The following GRTP1 variants were observed in gnomAD, a reference collection of about 807,000 sequenced individuals.
GRTP1 encodes growth hormone regulated TBC protein 1.
In GRTP1, 56 loss-of-function variants were observed where a neutral mutation model predicts 38.1. The ratio of observed to expected loss-of-function variants is 1.47; its 90% CI spans 1.19 to 1.84. The LOEUF is 1.84. Ranked by LOEUF, GRTP1 falls within the 40% of genes most tolerant of loss-of-function variation. GRTP1 has a pLI of 0.00. For missense variants in GRTP1, 506 were observed against 453.9 expected (o/e 1.11, Z -1.04); for synonymous variants, 217 against 189.5 (o/e 1.14, Z -1.19).
chr13:113,350,766 G>T, intron 4 of GRTP1, 83 bp downstream of exon 4: 1 of 1,280,334 alleles, frequency 7.8e-7, no homozygotes, highest in Non-Finnish European at 1.1e-6. Context: ...ACAGAGACGT[G>T]AGGCCGTCAC....
At position 113,330,015 on chromosome 13, in the gene GRTP1, A is replaced by G. The variant is rs373942497; in HGVS notation, c.563-3924T>C. ...AGCCCGGGTGCGTGCATGGGAGCCCAGGTGCGTACATGGAAACCCAGGTGC... is the reference window on the plus strand; with the variant it reads ...AGCCCGGGTGCGTGCATGGGAGCCCGGGTGCGTACATGGAAACCCAGGTGC... On this transcript the variant is annotated intron_variant, in intron 5 of 7. Coordinates refer to ENST00000375431, the MANE Select transcript of GRTP1 (RefSeq NM_024719.4). 1.7e-3 allele frequency among the ~76,000 whole-genome samples: 259 copies of G among 149,070 alleles called. 5 individuals carry two copies. The South Asian group carries it at 0.018, about 10-fold the overall frequency.
intron 5 of GRTP1, among the ~76,000 whole-genome samples, chr13:113,340,175 G>A (rs893948769): frequency 4.0e-5 from 6 of 151,628 alleles, no homozygotes; most frequent in African/African-American, 9.7e-5. Context: ...AAAGTGCTAC[G>A]ATTACAGGTA....
intron 7 of GRTP1, 82 bp downstream of exon 7, chr13:113,325,579 C>A (rs1401741590): frequency 2.0e-5 from 32 of 1,606,674 alleles, no homozygotes; most frequent in Non-Finnish European, 2.6e-5. Context: ...TGTGCACCCT[C>A]CGGGTGGTCA....
chr13:113,357,358 T>C (rs138375064), intron 2 of GRTP1, among the ~76,000 whole-genome samples: 226 of 144,358 alleles, frequency 1.6e-3, no homozygotes, highest in African/African-American at 5.6e-3. Flanking sequence ...GGCAGGAGAA[T>C]AGCCTGAACC....
At chr13:113,353,490 G>T (rs1472114185) in intron 3 of GRTP1, among the ~76,000 whole-genome samples, 6 of 152,372 alleles carry the variant, frequency 3.9e-5, no homozygotes, top group East Asian at 3.9e-4. Context: ...TGAGGCGAGG[G>T]AAAGGACCCC....
At chr13:113,344,842 C>T (rs374852792) in intron 5 of GRTP1, 21 bp downstream of exon 5, 99 of 1,589,714 alleles carry the variant, frequency 6.2e-5, no homozygotes, top group Non-Finnish European at 8.0e-5. Flanking sequence ...TTCGGGCATA[C>T]CGCAGGAATT....
intron 2 of GRTP1, among the ~76,000 whole-genome samples, chr13:113,360,800 T>A (rs1197569601): frequency 1.3e-5 from 2 of 152,178 alleles, no homozygotes; most frequent in Non-Finnish European, 2.9e-5. Context: ...CTACCATAAT[T>A]ACATGGTCCA....
intron 5 of GRTP1, among the ~76,000 whole-genome samples, chr13:113,332,363 GCACACGCACACCA>G (rs1382926569): frequency 0.036 from 5,019 of 137,536 alleles, 434 homozygotes; most frequent in African/African-American, 0.13. Context: ...GTACACACGT[GCACACGCACACCA>G]CACACGCACA....
chr13:113,335,268 T>C (rs1194018137), intron 5 of GRTP1, among the ~76,000 whole-genome samples: 1 of 152,026 alleles, frequency 6.6e-6, no homozygotes, highest in African/African-American at 2.4e-5. Context: ...CAGACCTGGG[T>C]CACTGGAGGC....
At chr13:113,340,174 C>G (rs2043006786) in intron 5 of GRTP1, among the ~76,000 whole-genome samples, 1 of 151,328 alleles carries the variant, frequency 6.6e-6, no homozygotes, top group Admixed American at 6.6e-5. Flanking sequence ...CAAAGTGCTA[C>G]GATTACAGGT....
Position 113,334,506 on chromosome 13 carries a change from G to A in GRTP1, c.563-8415C>T, listed in dbSNP as rs1055905999. ...TCATCCTGCACTGAACCACTCTTGC[G>A]GATTCTCAATTTGAGATTATAAATA... On this transcript the variant is annotated intron_variant, in intron 5 of 7. Transcript: ENST00000375431. Among the ~76,000 whole-genome samples, 3 of 152,142 alleles carry A rather than the reference G, an allele frequency of 2.0e-5. No homozygotes were observed. The East Asian group carries it at 5.8e-4, about 29-fold the overall frequency.
intron 5 of GRTP1, among the ~76,000 whole-genome samples, chr13:113,332,802 C>T (rs1595479341): frequency 6.6e-6 from 1 of 152,218 alleles, no homozygotes; most frequent in Non-Finnish European, 1.5e-5. Context: ...CCTGCAGACT[C>T]GAGGAAGCCG....
intron 5 of GRTP1, among the ~76,000 whole-genome samples, chr13:113,335,606 C>T (rs554858897): frequency 2.6e-5 from 4 of 152,166 alleles, no homozygotes; most frequent in South Asian, 4.1e-4. Flanking sequence ...TAACCATTAA[C>T]GAGCCTCTCT....
At chr13:113,350,652 A>G (rs2043247136) in intron 4 of GRTP1, among the ~76,000 whole-genome samples, 197 bp downstream of exon 4, 1 of 152,066 alleles carries the variant, frequency 6.6e-6, no homozygotes, top group Non-Finnish European at 1.5e-5. Flanking sequence ...CCGCCACCTG[A>G]GGCCGGAATG....
rs200012063 is a variant in GRTP1 at position 113,344,960 on chromosome 13, C to T, written c.466-1G>A. On this transcript the variant is annotated splice_acceptor_variant, in intron 4 of 7. Coordinates refer to ENST00000375431, the MANE Select transcript of GRTP1 (RefSeq NM_024719.4). LOFTEE classifies it high-confidence loss of function. ...GATATCCTGCTATAAAATTCATTCC[C>T]TGAAATTAGAAAAATGAGAAACAAA... 19 of 1,587,630 alleles carry T rather than the reference C, an allele frequency of 1.2e-5. No individual in the cohort carries two copies.
chr13:113,332,680 G>A (rs1025701078), intron 5 of GRTP1, among the ~76,000 whole-genome samples: 3 of 152,240 alleles, frequency 2.0e-5, no homozygotes, highest in Non-Finnish European at 4.4e-5. Context: ...CAAGCTTCAG[G>A]AGCCACACTG....
chr13:113,325,572 G>C lies in GRTP1; in HGVS notation c.921+89C>G, dbSNP rs1028030048. On this transcript the variant is annotated intron_variant, in intron 7 of 7. Transcript: ENST00000375431. ...CTATGCCCACTGGTGCCCGTCCTGTGCACCCTCCGGGTGGTCAGAGCAGCC... is the reference window on the plus strand; with the variant it reads ...CTATGCCCACTGGTGCCCGTCCTGTCCACCCTCCGGGTGGTCAGAGCAGCC... 9.4e-6 allele frequency: 15 copies of C among 1,602,800 alleles called. No individual in the cohort carries two copies. In the African/African-American group the frequency reaches 1.7e-4, roughly 19 times the overall value.
At chr13:113,358,198 A>C (rs1009462825) in intron 2 of GRTP1, among the ~76,000 whole-genome samples, 3 of 152,220 alleles carry the variant, frequency 2.0e-5, no homozygotes, top group Non-Finnish European at 4.4e-5. Flanking sequence ...TAAATACATA[A>C]AAATAAAAAA....
intron 7 of GRTP1, chr13:113,324,793 A>C: frequency 1.5e-6 from 2 of 1,294,782 alleles, no homozygotes; most frequent in Middle Eastern, 2.6e-4. Context: ...TAAATGAATC[A>C]AACGGTGGAA....
Sources: gnomAD v4.1 joint callset for allele counts (sites outside exome capture counted in the v4.1 genomes callset) on GRCh38, gnomAD v4.1.1 for gene constraint, MANE v1.5 for transcripts, NCBI Gene and HGNC (gene_info 2026-07-23, HGNC 2026-07-21) for gene names.